Variants in STS observed in about 807,000 individuals in gnomAD.
STS encodes the protein steroid sulfatase.
A neutral mutation model predicts 26.8 loss-of-function variants in STS; 7 were observed. The observed-to-expected ratio is 0.26, with a 90% confidence interval of 0.15 to 0.49. The LOEUF (loss-of-function observed/expected upper bound fraction) is 0.49. Ranked by LOEUF, STS falls within the 20% of genes least tolerant of loss-of-function variation. The pLI, the probability that STS is intolerant of heterozygous loss-of-function variation, is 0.98. For synonymous variants in STS, 199 were observed against 189.4 expected (o/e 1.05, Z -0.42); for missense variants, 434 against 465.6 (o/e 0.93, Z 0.63).
intron 2 of STS, among the ~76,000 whole-genome samples, chrX:7,204,818 C>T (rs1243270578): frequency 9.5e-6 from 1 of 105,633 alleles, no homozygotes; most frequent in Non-Finnish European, 2.0e-5. Context: ...TCCTTTCTTT[C>T]CATCCCTTCT....
intron 1 of STS, 159 bp downstream of exon 1, chrX:7,148,242 T>A (rs1932927264): frequency 2.9e-6 from 1 of 340,117 alleles, no homozygotes. Flanking sequence ...CCGCGGCCCC[T>A]CGCCCGGCTC....
intron 2 of STS, among the ~76,000 whole-genome samples, chrX:7,249,592 T>G (rs1165205151): frequency 1.8e-4 from 20 of 111,491 alleles, no homozygotes; most frequent in African/African-American, 6.5e-4. Context: ...GCTCGAGTAA[T>G]TAGAAAAGCA....
chrX:7,224,588 G>A (rs1383635632), intron 2 of STS, among the ~76,000 whole-genome samples: 1 of 111,609 alleles, frequency 9.0e-6, no homozygotes, highest in East Asian at 2.8e-4. Flanking sequence ...AACATGGGGA[G>A]AAGGCACTGT....
chrX:7,205,260 G>A (rs1475848008), intron 2 of STS, among the ~76,000 whole-genome samples: 4 of 112,554 alleles, frequency 3.6e-5, no homozygotes, highest in Non-Finnish European at 7.5e-5. Context: ...TGGTTTCATA[G>A]TGAGGAAGAG....
At chrX:7,199,219 G>A (rs1411114493) in intron 2 of STS, among the ~76,000 whole-genome samples, 2 of 111,474 alleles carry the variant, frequency 1.8e-5, no homozygotes, top group African/African-American at 6.5e-5. Flanking sequence ...ATCAGGAAGT[G>A]ATCCATCTAT....
At chrX:7,242,583 C>G (rs2147070934) in intron 2 of STS, among the ~76,000 whole-genome samples, 1 of 109,596 alleles carries the variant, frequency 9.1e-6, no homozygotes, top group Non-Finnish European at 1.9e-5. Flanking sequence ...CTGGGTGAAA[C>G]AGTGAGACCC....
intron 2 of STS, among the ~76,000 whole-genome samples, chrX:7,201,342 A>C (rs867688294): frequency 8.0e-5 from 9 of 111,857 alleles, no homozygotes; most frequent in Middle Eastern, 4.6e-3. Flanking sequence ...TTTGTGGTTA[A>C]ATTTTCTGAA....
chrX:7,275,432 C>G (rs1481753319), intron 6 of STS, among the ~76,000 whole-genome samples: 1 of 110,993 alleles, frequency 9.0e-6, no homozygotes, highest in Non-Finnish European at 1.9e-5. Context: ...TTGTATATAT[C>G]AAATGATACC....
intron 7 of STS, among the ~76,000 whole-genome samples, chrX:7,291,563 C>T (rs753786406): frequency 8.9e-6 from 1 of 112,168 alleles, no homozygotes; most frequent in East Asian, 2.8e-4. Flanking sequence ...TCTGGCGTTA[C>T]CTTAGTGCCT....
At chrX:7,204,588 C>A (rs1945293786) in intron 2 of STS, among the ~76,000 whole-genome samples, 1 of 96,443 alleles carries the variant, frequency 1.0e-5, no homozygotes, top group Admixed American at 1.2e-4. Context: ...TCCTTTCCTC[C>A]TTTCTCTCCA....
intron 1 of STS, among the ~76,000 whole-genome samples, chrX:7,161,282 T>C (rs1482583159): frequency 1.8e-5 from 2 of 111,926 alleles, no homozygotes; most frequent in East Asian, 5.6e-4. Flanking sequence ...CAAATGTTTC[T>C]TAACAGGCTA....
intron 2 of STS, among the ~76,000 whole-genome samples, chrX:7,240,533 G>GTGTGTGTGTATA (rs1373072915): frequency 1.3e-4 from 8 of 60,546 alleles, no homozygotes; most frequent in African/African-American, 4.6e-4. Flanking sequence ...GTGTGTGTGT[G>GTGTGTGTGTATA]TATATATATA....
chrX:7,307,698 G>A (rs1304549161), intron 8 of STS, among the ~76,000 whole-genome samples: 1 of 111,545 alleles, frequency 9.0e-6, no homozygotes, highest in East Asian at 2.8e-4. Flanking sequence ...GAAAATTTGG[G>A]GTCAGCAAAA....
chrX:7,345,097 G>A (rs1387550211), intron 10 of STS, among the ~76,000 whole-genome samples: 1 of 111,192 alleles, frequency 9.0e-6, no homozygotes, highest in Non-Finnish European at 1.9e-5. Flanking sequence ...AGGCCTTCGA[G>A]GACGTTGTTA....
rs191265305 is a variant in STS at position 7,325,156 on chromosome X, T to C, written c.1082-183T>C. ...ACCATGTCACATATGGTGGTGACTG[T>C]ATCATATATATTCCTTTTTTCAATA... On this transcript the variant is annotated intron_variant, in intron 8 of 10. Coordinates refer to ENST00000674429, the MANE Select transcript of STS (RefSeq NM_001320752.2). Among the ~76,000 whole-genome samples the C allele has an allele frequency of 3.7e-4, 42 of 112,005 alleles. 1 individual carries two copies. Among genetic ancestry groups the C allele is most frequent in the African/African-American group, 1.4e-3 (42 of 30,858 alleles).
chrX:7,161,001 G>A (rs754615129), intron 1 of STS, among the ~76,000 whole-genome samples: 1 of 111,434 alleles, frequency 9.0e-6, no homozygotes, highest in South Asian at 3.8e-4. Flanking sequence ...TGTCTCCCAG[G>A]CTAGAGTGCA....
chrX:7,263,269 A>G (rs1264952723), intron 6 of STS, among the ~76,000 whole-genome samples: 1 of 111,598 alleles, frequency 9.0e-6, no homozygotes, highest in Non-Finnish European at 1.9e-5. Flanking sequence ...GGGTTTCACC[A>G]TGTTGACCAG....
chrX:7,204,907 C>G (rs749786045), intron 2 of STS, among the ~76,000 whole-genome samples: 9 of 107,884 alleles, frequency 8.3e-5, no homozygotes, highest in Admixed American at 4.0e-4. Context: ...CTCCTTCGCT[C>G]TCTCTCTTGC....
At chrX:7,243,492 C>G (rs759666876) in intron 2 of STS, among the ~76,000 whole-genome samples, 1 of 111,946 alleles carries the variant, frequency 8.9e-6, no homozygotes, top group East Asian at 2.8e-4. Flanking sequence ...GGCTGGTGGC[C>G]TGAGATGAGG....
Sources: gnomAD v4.1 joint callset for allele counts (sites outside exome capture counted in the v4.1 genomes callset) on GRCh38, gnomAD v4.1.1 for gene constraint, MANE v1.5 for transcripts, NCBI Gene and HGNC (gene_info 2026-07-23, HGNC 2026-07-21) for gene names.